ARHGEF4: variants seen among roughly 807,000 people sequenced by gnomAD.
The protein encoded by ARHGEF4 is APC-stimulated guanine nucleotide exchange factor 1.
ARHGEF4 carries 119 observed loss-of-function variants against 162.0 expected under a neutral mutation model. The observed-to-expected ratio is 0.73, with a 90% CI of 0.63 to 0.86. The LOEUF (loss-of-function observed/expected upper bound fraction) is 0.86. Among genes scored for constraint, ARHGEF4 ranks in the 40% least tolerant of loss-of-function variants. The pLI, the probability that ARHGEF4 is intolerant of heterozygous loss-of-function variation, is 0.00. For synonymous variants in ARHGEF4, 1,014 were observed against 979.9 expected (o/e 1.03, Z -0.65); for missense variants, 2,488 against 2,456.0 (o/e 1.01, Z -0.28).
chr2:130,946,766 G>A (rs1683649046), intron 4 of ARHGEF4, 131 bp downstream of exon 4: 1 of 1,334,328 alleles, frequency 7.5e-7, no homozygotes, highest in Non-Finnish European at 1.0e-6. Context: ...ATAAACAATT[G>A]TCCTCTTCCT....
chr2:130,921,904 C>A (rs1681896757), intron 2 of ARHGEF4, among the ~76,000 whole-genome samples: 2 of 151,908 alleles, frequency 1.3e-5, no homozygotes, highest in African/African-American at 4.8e-5. Context: ...GTTGGCCAGG[C>A]TGGTCTCAAA....
chr2:130,903,407 G>A (rs11897457), intron 1 of ARHGEF4, among the ~76,000 whole-genome samples: 2,955 of 151,910 alleles, frequency 0.019, 78 homozygotes, highest in African/African-American at 0.066. Context: ...TTACAGGCAC[G>A]TGCCACCACA....
chr2:131,001,163 C>T (rs1420680484), intron 4 of ARHGEF4, among the ~76,000 whole-genome samples: 3 of 151,580 alleles, frequency 2.0e-5, no homozygotes, highest in African/African-American at 2.4e-5. Context: ...TTTAGCCGGG[C>T]GTGGCAGTGC....
intron 1 of ARHGEF4, among the ~76,000 whole-genome samples, chr2:130,849,876 T>G (rs1681280453): frequency 6.6e-6 from 1 of 152,236 alleles, no homozygotes; most frequent in Non-Finnish European, 1.5e-5. Context: ...AGGATACACT[T>G]TTTAAAAAAC....
At chr2:130,999,658 A>AT (rs1687644142) in intron 4 of ARHGEF4, among the ~76,000 whole-genome samples, 1 of 151,856 alleles carries the variant, frequency 6.6e-6, no homozygotes, top group Non-Finnish European at 1.5e-5. Context: ...TAAATCTTGC[A>AT]TTTTTTGTTG....
intron 4 of ARHGEF4, among the ~76,000 whole-genome samples, chr2:130,983,628 A>G (rs1686267346): frequency 6.6e-6 from 1 of 151,806 alleles, no homozygotes; most frequent in African/African-American, 2.4e-5. Context: ...GTGCTCTTTT[A>G]TTTATTTTTA....
At chr2:130,999,110 C>G (rs1034570295) in intron 4 of ARHGEF4, among the ~76,000 whole-genome samples, 2 of 150,726 alleles carry the variant, frequency 1.3e-5, no homozygotes, top group Non-Finnish European at 3.0e-5. Context: ...ACCTTTGGCT[C>G]ATTTTTTAAT....
intron 1 of ARHGEF4, among the ~76,000 whole-genome samples, chr2:130,889,902 G>A (rs867625367): frequency 5.0e-4 from 75 of 151,132 alleles, no homozygotes; most frequent in African/African-American, 1.7e-3. Context: ...TCCTTTTAGC[G>A]TATTGAGATT....
At chr2:130,946,455 C>T in intron 3 of ARHGEF4, 54 bp from the exon 4 acceptor site, 1 of 1,563,388 alleles carries the variant, frequency 6.4e-7, no homozygotes, top group Non-Finnish European at 8.7e-7. Flanking sequence ...GTGGCAATGA[C>T]AGCCTGTCAT....
At chr2:130,936,887 CTTTT>C (rs78056401) in intron 3 of ARHGEF4, among the ~76,000 whole-genome samples, 1 of 135,990 alleles carries the variant, frequency 7.4e-6, no homozygotes, top group Admixed American at 7.7e-5. Flanking sequence ...CTCTTTCTTT[CTTTT>C]TTTTTTCTTT....
chr2:130,993,700 C>T (rs1687199720), intron 4 of ARHGEF4, among the ~76,000 whole-genome samples: 1 of 152,072 alleles, frequency 6.6e-6, no homozygotes, highest in Non-Finnish European at 1.5e-5. Flanking sequence ...TTAAAGTCTA[C>T]TTTGACATAA....
intron 1 of ARHGEF4, among the ~76,000 whole-genome samples, chr2:130,906,189 C>T (rs139684457): frequency 3.9e-5 from 6 of 152,310 alleles, no homozygotes; most frequent in Middle Eastern, 6.8e-3. Context: ...GTCCTGGCAT[C>T]AACCACTTCT....
chr2:130,926,810 ATTTTTTTTTTTTTT>A (rs55904944), intron 2 of ARHGEF4, among the ~76,000 whole-genome samples: 11 of 48,954 alleles, frequency 2.2e-4, no homozygotes, highest in Admixed American at 4.5e-4. Flanking sequence ...CTTCTGGCTG[ATTTTTTTTTTTTTT>A]TTTTTTTTTT....
At chr2:130,951,678 C>A (rs986463845) in intron 4 of ARHGEF4, among the ~76,000 whole-genome samples, 8 of 151,842 alleles carry the variant, frequency 5.3e-5, no homozygotes, top group Admixed American at 4.6e-4. Flanking sequence ...ATTAATGATT[C>A]TTTCACTGTA....
In ARHGEF4 at chr2:130,914,882, C is replaced by T; in HGVS notation, c.936C>T (p.Ala312=). Residue 312 remains alanine (A), a synonymous_variant, in exon 2 of 14, where the codon GCC becomes GCT. Coordinates refer to ENST00000409359, the MANE Select transcript of ARHGEF4 (RefSeq NM_001367493.1). ...CLLRTNRHHS[A]PETTGDKNRA... is the part of the protein sequence containing the mutation. ...TACGCACCAACCGTCACCATAGTGCCCCAGAAACTACTGGTGACAAGAACA... is the reference window on the plus strand; with the variant it reads ...TACGCACCAACCGTCACCATAGTGCTCCAGAAACTACTGGTGACAAGAACA... 6.7e-7 allele frequency: 1 copy of T among 1,495,116 alleles called. No individual in the cohort carries two copies. The highest frequency in any genetic ancestry group is 1.4e-5 in the South Asian group (1 of 73,290). The allele number at this position is 1,495,116 out of a possible 1,614,324, so 92.6% of individuals were successfully genotyped here.
intron 1 of ARHGEF4, among the ~76,000 whole-genome samples, chr2:130,866,165 G>A (rs1016020755): frequency 3.3e-5 from 5 of 152,102 alleles, no homozygotes; most frequent in Non-Finnish European, 5.9e-5. Context: ...AAGGCCAAGA[G>A]TATGAGACAG....
chr2:131,014,469 A>G (rs757195677), intron 4 of ARHGEF4, among the ~76,000 whole-genome samples: 1 of 152,226 alleles, frequency 6.6e-6, no homozygotes, highest in Non-Finnish European at 1.5e-5. Context: ...TGGAATTTTG[A>G]TAGGAATTGC....
At chr2:130,950,442 G>C (rs1683883006) in intron 4 of ARHGEF4, among the ~76,000 whole-genome samples, 1 of 152,210 alleles carries the variant, frequency 6.6e-6, no homozygotes, top group Non-Finnish European at 1.5e-5. Context: ...CTACCTGGTA[G>C]TATGGTTATT....
intron 4 of ARHGEF4, among the ~76,000 whole-genome samples, chr2:130,980,856 C>T (rs1459904035): frequency 1.3e-5 from 2 of 152,304 alleles, no homozygotes; most frequent in Non-Finnish European, 2.9e-5. Flanking sequence ...AATATAATTT[C>T]CTTAAGGATA....
Sources: allele counts gnomAD v4.1 joint callset (sites outside exome capture counted in the v4.1 genomes callset), GRCh38; gene constraint gnomAD v4.1.1; transcripts MANE v1.5; gene names NCBI Gene and HGNC (gene_info 2026-07-23, HGNC 2026-07-21).